Variants in PPP1R1C observed in about 807,000 individuals in gnomAD.
PPP1R1C encodes protein phosphatase 1 regulatory subunit 1C.
A neutral mutation model predicts 17.4 loss-of-function variants in PPP1R1C; 15 were observed. The ratio of observed to expected loss-of-function variants is 0.86; its 90% CI spans 0.58 to 1.33. The LOEUF (loss-of-function observed/expected upper bound fraction) is 1.33, where lower values mean the gene tolerates loss of function less well. Ranked by LOEUF, PPP1R1C falls within the 40% of genes most tolerant of loss-of-function variation. The pLI is 0.00. For missense variants in PPP1R1C, 143 were observed against 130.0 expected (o/e 1.10, Z -0.48); for synonymous variants, 35 against 43.1 (o/e 0.81, Z 0.73).
chr2:181,970,145 T>A (rs1466211003), intron 1 of PPP1R1C, among the ~76,000 whole-genome samples: 1 of 152,150 alleles, frequency 6.6e-6, no homozygotes, highest in African/African-American at 2.4e-5. Context: ...GTTTTTTTTT[T>A]TTTCCTTTGA....
intron 2 of PPP1R1C, among the ~76,000 whole-genome samples, chr2:182,008,056 A>G (rs972060451): frequency 1.3e-5 from 2 of 150,014 alleles, no homozygotes; most frequent in Admixed American, 1.3e-4. Flanking sequence ...CGAAAGAGCG[A>G]GACTCCGTCT....
intron 4 of PPP1R1C, among the ~76,000 whole-genome samples, chr2:182,077,348 C>A (rs1688344911): frequency 6.6e-6 from 1 of 152,152 alleles, no homozygotes; most frequent in Non-Finnish European, 1.5e-5. Context: ...TGTGAATCGA[C>A]TTTAATTAAC....
chr2:182,114,904 T>G (rs966544228), intron 4 of PPP1R1C, among the ~76,000 whole-genome samples: 50 of 152,216 alleles, frequency 3.3e-4, no homozygotes, highest in Non-Finnish European at 1.5e-5. Context: ...AGACCTATTC[T>G]CAAGTGTGGA....
At chr2:181,987,973 T>TA in intron 2 of PPP1R1C, 74 bp downstream of exon 2, 1 of 1,273,996 alleles carries the variant, frequency 7.8e-7, no homozygotes, top group Non-Finnish European at 1.1e-6. Flanking sequence ...GTACATGTCG[T>TA]ACTGAAAAGT....
intron 1 of PPP1R1C, among the ~76,000 whole-genome samples, chr2:181,973,533 G>A (rs1046936697): frequency 1.1e-4 from 16 of 152,306 alleles, no homozygotes; most frequent in Admixed American, 2.0e-4. Flanking sequence ...AGATAGGGAG[G>A]TAAGCAGAAG....
chr2:182,034,730 A>G lies in PPP1R1C; in HGVS notation c.143-26712A>G, dbSNP rs564150529. Among the ~76,000 whole-genome samples, 13 of 152,336 alleles carry G rather than the reference A, an allele frequency of 8.5e-5. No homozygotes were observed. The South Asian group carries it at 1.7e-3, about 19-fold the overall frequency. On this transcript the variant is annotated intron_variant, in intron 2 of 4. Coordinates refer to ENST00000682840, the MANE Select transcript of PPP1R1C (RefSeq NM_001080545.3). ...CAATAAGTGGGCAGGCCACAAGTAG[A>G]TCCAGGTATCTAAAAGGCAGTCTCA...
intron 2 of PPP1R1C, 62 bp downstream of exon 2, chr2:181,987,961 A>G (rs989808101): frequency 7.2e-7 from 1 of 1,390,690 alleles, no homozygotes; most frequent in Non-Finnish European, 1.0e-6. Context: ...AAGAACATCA[A>G]AGTACATGTC....
chr2:182,093,817 A>G (rs1688855135), intron 4 of PPP1R1C, among the ~76,000 whole-genome samples: 1 of 152,234 alleles, frequency 6.6e-6, no homozygotes, highest in African/African-American at 2.4e-5. Flanking sequence ...ATTATTGTCC[A>G]TGTGACTTTC....
In PPP1R1C at chr2:181,962,321, C is replaced by A; in HGVS notation, n.111+7687C>A. ...CCCGGACCCCATGCCACCCCGGAAG[C>A]TGGTGGAGCGGGACACGGATATCCG... On this transcript the variant is annotated intron_variant and non_coding_transcript_variant, in intron 1 of 5. Coordinates refer to the PPP1R1C transcript ENST00000464264. The surrounding 1 kb of genome is among the most constrained non-coding windows in gnomAD (Gnocchi z 6.0). The A allele has an allele frequency of 1.1e-6, 1 of 901,256 alleles. No homozygotes were observed. Among genetic ancestry groups the A allele is most frequent in the Non-Finnish European group, 1.8e-6 (1 of 565,318 alleles). 55.8% of individuals were successfully genotyped at this position (901,256 alleles called of 1,614,324 possible). A position where few individuals can be genotyped will look rare whatever the true frequency, so the allele number is the denominator to read the frequency against.
At chr2:182,057,423 G>A (rs1687719119) in intron 2 of PPP1R1C, among the ~76,000 whole-genome samples, 1 of 152,230 alleles carries the variant, frequency 6.6e-6, no homozygotes, top group Admixed American at 6.5e-5. Flanking sequence ...AGGGATAGTA[G>A]TATTTGGTAT....
intron 2 of PPP1R1C, among the ~76,000 whole-genome samples, chr2:182,041,188 A>C (rs1687170873): frequency 1.3e-5 from 2 of 152,174 alleles, no homozygotes; most frequent in Admixed American, 6.5e-5. Context: ...TTCTGTGAAA[A>C]ATGATGTTGA....
chr2:182,049,020 C>G (rs1489173953), intron 2 of PPP1R1C: 2 of 152,164 alleles, frequency 1.3e-5, no homozygotes, highest in Non-Finnish European at 2.9e-5. Context: ...AAAGATAGCA[C>G]CGATGTCCTT....
chr2:182,116,981 T>G (rs1183177900), intron 4 of PPP1R1C, among the ~76,000 whole-genome samples: 1 of 152,128 alleles, frequency 6.6e-6, no homozygotes, highest in Admixed American at 6.6e-5. Context: ...TGGAGAAGCT[T>G]TAATTATGAA....
chr2:182,096,253 T>A (rs1485160665), intron 4 of PPP1R1C, among the ~76,000 whole-genome samples: 1 of 152,160 alleles, frequency 6.6e-6, no homozygotes, highest in Non-Finnish European at 1.5e-5. Context: ...AGATCCTTTT[T>A]GGCTTCTGGG....
chr2:182,007,876 C>T (rs1482671860), intron 2 of PPP1R1C, among the ~76,000 whole-genome samples: 1 of 152,072 alleles, frequency 6.6e-6, no homozygotes, highest in Non-Finnish European at 1.5e-5. Context: ...TCCTGGCTAA[C>T]ACGGTGAAAC....
chr2:182,085,525 A>G (rs1360894798), intron 4 of PPP1R1C, among the ~76,000 whole-genome samples: 2 of 152,142 alleles, frequency 1.3e-5, no homozygotes, highest in African/African-American at 2.4e-5. Context: ...TATGGGTGCC[A>G]AAGATGGTAC....
At chr2:182,028,612 G>T in intron 2 of PPP1R1C, among the ~76,000 whole-genome samples, 1 of 152,092 alleles carries the variant, frequency 6.6e-6, no homozygotes, top group African/African-American at 2.4e-5. Context: ...TACATTTGCT[G>T]AGGAAAGCTT....
At chr2:182,035,619 AT>A (rs1686980268) in intron 2 of PPP1R1C, among the ~76,000 whole-genome samples, 1 of 152,084 alleles carries the variant, frequency 6.6e-6, no homozygotes, top group Admixed American at 6.5e-5. Flanking sequence ...CAAAGTTCTC[AT>A]GAGACCTGGT....
At chr2:181,993,371 G>C (rs1188768795) in intron 2 of PPP1R1C, among the ~76,000 whole-genome samples, 2 of 152,110 alleles carry the variant, frequency 1.3e-5, no homozygotes, top group East Asian at 3.8e-4. Context: ...GACTCTTAAA[G>C]ATGAGTAAGA....
Sources: allele counts gnomAD v4.1 joint callset (sites outside exome capture counted in the v4.1 genomes callset), GRCh38; gene constraint gnomAD v4.1.1; non-coding constraint Gnocchi (gnomAD v3.1); transcripts MANE v1.5; gene names NCBI Gene and HGNC (gene_info 2026-07-23, HGNC 2026-07-21).